Variants in TASP1 observed in about 807,000 individuals in gnomAD.
TASP1 encodes threonine aspartase 1.
In TASP1, 16 loss-of-function variants were observed where a neutral mutation model predicts 56.6. The observed-to-expected ratio is 0.28, with a 90% CI of 0.19 to 0.43. The LOEUF is 0.43. TASP1 is among the 20% of genes least tolerant of loss of function. The pLI is 1.00. For missense variants in TASP1, 393 were observed against 511.6 expected (o/e 0.77, Z 2.24); for synonymous variants, 179 against 184.2 (o/e 0.97, Z 0.23).
At chr20:13,553,526 T>C (rs1249870728) in intron 8 of TASP1, among the ~76,000 whole-genome samples, 1 of 152,172 alleles carries the variant, frequency 6.6e-6, no homozygotes, top group African/African-American at 2.4e-5. Context: ...CTTTTTCTTC[T>C]CCATCATGTC....
the TASP1 span, among the ~76,000 whole-genome samples, chr20:13,312,352 G>A: frequency 5.9e-5 from 9 of 152,146 alleles, no homozygotes; most frequent in African/African-American, 1.9e-4. Flanking sequence ...TGGAAATGTC[G>A]TGGGTGAGAC....
At chr20:13,266,235 T>C in the TASP1 span, among the ~76,000 whole-genome samples, 2 of 152,152 alleles carry the variant, frequency 1.3e-5, no homozygotes, top group African/African-American at 4.8e-5. Flanking sequence ...GGGCAGGCAA[T>C]TGCAATGTCT....
At chr20:13,131,750 G>A in the TASP1 span, among the ~76,000 whole-genome samples, 1 of 152,038 alleles carries the variant, frequency 6.6e-6, no homozygotes, top group Non-Finnish European at 1.5e-5. Flanking sequence ...GCCTTTTTAT[G>A]GCTTCTTCTC....
the TASP1 span, among the ~76,000 whole-genome samples, chr20:13,341,793 A>C: frequency 6.6e-6 from 1 of 152,214 alleles, no homozygotes; most frequent in East Asian, 1.9e-4. Context: ...TCTCTCATGC[A>C]TCTGTGATGA....
chr20:13,571,384 C>A (rs1335218585), intron 6 of TASP1, among the ~76,000 whole-genome samples: 1 of 152,234 alleles, frequency 6.6e-6, no homozygotes, highest in Non-Finnish European at 1.5e-5. Context: ...TTGAATGCAG[C>A]ACCGATTCAA....
chr20:13,129,577 A>C, the TASP1 span, among the ~76,000 whole-genome samples: 1 of 152,260 alleles, frequency 6.6e-6, no homozygotes, highest in South Asian at 2.1e-4. Context: ...TATTCTAGAA[A>C]TTAGCTTGTG....
At chr20:13,405,460 T>C (rs1434770682) in intron 13 of TASP1, among the ~76,000 whole-genome samples, 1 of 152,208 alleles carries the variant, frequency 6.6e-6, no homozygotes, top group Non-Finnish European at 1.5e-5. Flanking sequence ...GTAAAGACAA[T>C]TCTTTCATCT....
chr20:13,250,412 G>A, the TASP1 span, among the ~76,000 whole-genome samples: 1 of 152,168 alleles, frequency 6.6e-6, no homozygotes, highest in Non-Finnish European at 1.5e-5. Context: ...AGTCCTTGGG[G>A]GCATATGGAG....
intron 11 of TASP1, among the ~76,000 whole-genome samples, chr20:13,449,114 G>A (rs1191409771): frequency 6.6e-6 from 1 of 151,776 alleles, no homozygotes; most frequent in East Asian, 1.9e-4. Flanking sequence ...CTATCTTATG[G>A]TATCTACACT....
At chr20:13,603,409 G>T (rs1291676889) in intron 4 of TASP1, among the ~76,000 whole-genome samples, 1 of 151,888 alleles carries the variant, frequency 6.6e-6, no homozygotes, top group Non-Finnish European at 1.5e-5. Flanking sequence ...AAGCATGGTG[G>T]TACACGCATG....
the TASP1 span, among the ~76,000 whole-genome samples, chr20:13,110,957 AG>A: frequency 6.9e-4 from 105 of 152,260 alleles, no homozygotes; most frequent in African/African-American, 2.5e-3. Context: ...ACTTGAGGAT[AG>A]ACATAGGATT....
In TASP1 at chr20:13,580,996, A is replaced by AAAC. The variant is rs751349435; in HGVS notation, c.404-16_404-15insGTT. ...GTTCTTGATTCCTATAAAAAAAAAA[A>AAAC]AAAAATTGGCAAAAAAGATGTCAGA... On this transcript the variant is annotated splice_polypyrimidine_tract_variant and intron_variant, in intron 5 of 13. Transcript: ENST00000337743. 1.9e-6 allele frequency: 3 copies of AAAC among 1,602,372 alleles called. No homozygotes were observed. In the East Asian group the frequency reaches 6.7e-5, roughly 36 times the overall value.
intron 1 of TASP1, among the ~76,000 whole-genome samples, chr20:13,631,396 T>C (rs971776361): frequency 1.3e-5 from 2 of 152,250 alleles, no homozygotes; most frequent in African/African-American, 4.8e-5. Context: ...ACCATGTTTT[T>C]CTTCCAAAGA....
At chr20:13,241,561 G>C in the TASP1 span, among the ~76,000 whole-genome samples, 2 of 152,128 alleles carry the variant, frequency 1.3e-5, no homozygotes, top group African/African-American at 4.8e-5. Context: ...GAGCTATGCA[G>C]ACAGGAGTAT....
chr20:13,149,092 A>C, the TASP1 span, among the ~76,000 whole-genome samples: 1 of 152,202 alleles, frequency 6.6e-6, no homozygotes, highest in African/African-American at 2.4e-5. Context: ...CAGCCTCCTC[A>C]GAGAATCCAA....
chr20:13,390,112 C>A lies in TASP1; in HGVS notation c.*248G>T. On this transcript the variant is annotated 3_prime_UTR_variant, in exon 14 of 14. Transcript: ENST00000337743. The stretch of plus-strand genomic sequence containing the variant: ...TCTATTTCATCCACGGAGAAGCAAA[C>A]ACACATACTCCACACATACACATAT... 2.7e-6 allele frequency: 1 copy of A among 376,026 alleles called. No individual in the cohort carries two copies. Among genetic ancestry groups the A allele is most frequent in the South Asian group, 3.5e-5 (1 of 28,516 alleles). The allele number at this position is 376,026 out of a possible 1,614,324, so 23.3% of individuals were successfully genotyped here. A position where few individuals can be genotyped will look rare whatever the true frequency, so the allele number is the denominator to read the frequency against.
At chr20:13,453,613 C>T (rs966104035) in intron 11 of TASP1, among the ~76,000 whole-genome samples, 1 of 152,008 alleles carries the variant, frequency 6.6e-6, no homozygotes, top group Non-Finnish European at 1.5e-5. Flanking sequence ...TGACTCATCA[C>T]CTAGAAGAGT....
intron 13 of TASP1, chr20:13,393,430 C>T: frequency 2.6e-6 from 2 of 773,296 alleles, no homozygotes; most frequent in Non-Finnish European, 4.6e-6. Flanking sequence ...GAGAAACCTG[C>T]CAAATATGAT....
At chr20:13,502,046 G>A (rs150766344) in intron 10 of TASP1, among the ~76,000 whole-genome samples, 1 of 151,594 alleles carries the variant, frequency 6.6e-6, no homozygotes. Context: ...AAAATATAAT[G>A]GATATAACAG....
Sources: allele counts gnomAD v4.1 joint callset (sites outside exome capture counted in the v4.1 genomes callset), GRCh38; gene constraint gnomAD v4.1.1; transcripts MANE v1.5; gene names NCBI Gene and HGNC (gene_info 2026-07-23, HGNC 2026-07-21).